NFKB2: variants seen among roughly 807,000 people sequenced by gnomAD.
NFKB2 encodes the protein nuclear factor kappa B subunit 2.
A neutral mutation model predicts 109.3 loss-of-function variants in NFKB2; 21 were observed. That is an observed-to-expected ratio of 0.19 (90% CI 0.14 to 0.28). NFKB2 has a LOEUF of 0.28. Among genes scored for constraint, NFKB2 ranks in the 10% least tolerant of loss-of-function variants. The pLI is 1.00. For synonymous variants in NFKB2, 478 were observed against 489.9 expected (o/e 0.98, Z 0.32); for missense variants, 806 against 1,185.3 (o/e 0.68, Z 4.70).
In NFKB2 at chr10:102,396,801, G is replaced by A. The variant is rs774802098; in HGVS notation, c.221G>A (p.Arg74Gln). Reference sequence around the variant, plus strand: ...CCCGGTGCCTCCAGTGAGAAGGGCCGAAAGACCTATCCCACTGTCAAGGTG... The same window carrying A: ...CCCGGTGCCTCCAGTGAGAAGGGCCAAAAGACCTATCCCACTGTCAAGGTG... ...GLPGASSEKG[R>Q]KTYPTVKICN... Residue 74 changes from arginine (R) to glutamine (Q), a missense_variant, in exon 5 of 23, where the codon CGA (arginine) becomes CAA (glutamine). Transcript: ENST00000661543. The surrounding 1 kb of genome is among the most constrained non-coding windows in gnomAD (Gnocchi z 5.9). 9.3e-6 allele frequency: 15 copies of A among 1,612,704 alleles called. No individual in the cohort carries two copies. The highest frequency in any genetic ancestry group is 2.2e-5 in the East Asian group (1 of 44,824).
In NFKB2 at chr10:102,397,323, G is replaced by C; in HGVS notation, c.417G>C (p.Leu139=). ...MTAQFNNLGV[L]HVTKKNMMGT... ...TCAGATTTAACAACCTGGGTGTCCT[G>C]CATGTGACTAAGAAGAACATGATGG... Residue 139 remains leucine (L), a synonymous_variant, in exon 7 of 23, where the codon CTG becomes CTC. Coordinates refer to ENST00000661543, the MANE Select transcript of NFKB2 (RefSeq NM_001322934.2). The surrounding 1 kb of genome is among the most constrained non-coding windows in gnomAD (Gnocchi z 4.7). 1 of 1,614,152 alleles carries C rather than the reference G, an allele frequency of 6.2e-7. No homozygotes were observed. The highest frequency in any genetic ancestry group is 8.5e-7 in the Non-Finnish European group (1 of 1,179,992).
Position 102,398,681 on chromosome 10 carries a change from A to AG in NFKB2, c.992-55dup. 1 of 1,609,754 alleles carries AG rather than the reference A, an allele frequency of 6.2e-7. No individual in the cohort carries two copies. Among genetic ancestry groups the AG allele is most frequent in the East Asian group, 2.2e-5 (1 of 44,874 alleles). ...GCCGGCCCTGAGGGCTCTTCTGGGAAGGGCCCCTGAGGCATGACACAATAA... is the reference window on the plus strand; with the variant it reads ...GCCGGCCCTGAGGGCTCTTCTGGGAAGGGGCCCCTGAGGCATGACACAATAA... On this transcript the variant is annotated intron_variant, in intron 11 of 22. Coordinates refer to ENST00000661543, the MANE Select transcript of NFKB2 (RefSeq NM_001322934.2). The surrounding 1 kb of genome is among the most constrained non-coding windows in gnomAD (Gnocchi z 6.6).
In NFKB2 at chr10:102,401,439, G is replaced by T; in HGVS notation, c.2224-10G>T. The T allele has an allele frequency of 6.2e-7, 1 of 1,613,842 alleles. No individual in the cohort carries two copies. The highest frequency in any genetic ancestry group is 8.5e-7 in the Non-Finnish European group (1 of 1,179,956). ...GTGGGAGGTAGTCAGAACTGCGGCT[G>T]TCTCCCCAGGTGAAGACCTTGCTGC... On this transcript the variant is annotated splice_polypyrimidine_tract_variant and intron_variant, in intron 19 of 22. Coordinates refer to ENST00000661543, the MANE Select transcript of NFKB2 (RefSeq NM_001322934.2). This position sits in a 1 kb window ranked among gnomAD's most constrained non-coding sequence, Gnocchi z 4.2.
chr10:102,402,396 C>G lies in NFKB2; in HGVS notation c.*20C>G. ...CACTGACCTGCTGCCTGCCCCCAGC[C>G]CCCTTCCCGGACCCCCTGTACAGCG... is the stretch of plus-strand genomic sequence containing the variant. On this transcript the variant is annotated 3_prime_UTR_variant, in exon 23 of 23. Coordinates refer to ENST00000661543, the MANE Select transcript of NFKB2 (RefSeq NM_001322934.2). The G allele has an allele frequency of 6.8e-7, 1 of 1,471,818 alleles. No individual in the cohort carries two copies. The highest frequency in any genetic ancestry group is 9.2e-7 in the Non-Finnish European group (1 of 1,091,068). The allele number at this position is 1,471,818 out of a possible 1,614,324, so 91.2% of individuals were successfully genotyped here.
Position 102,397,917 on chromosome 10 carries a change from C to T in NFKB2, c.662-64C>T. The T allele has an allele frequency of 1.3e-6, 2 of 1,534,262 alleles. No homozygotes were observed. The highest frequency in any genetic ancestry group is 1.4e-5 in the African/African-American group (1 of 73,194). On this transcript the variant is annotated intron_variant, in intron 8 of 22. Transcript: ENST00000661543. The surrounding 1 kb of genome is among the most constrained non-coding windows in gnomAD (Gnocchi z 4.7). ...TGCTGAGATAAGGAATACAAAGCCC[C>T]CAGCTTCTTAAATGTGGCCTTGGCT...
At position 102,397,084 on chromosome 10, in the gene NFKB2, TG is replaced by T. The variant is rs776918265; in HGVS notation, c.395+31del. On this transcript the variant is annotated intron_variant, in intron 6 of 22. Coordinates refer to ENST00000661543, the MANE Select transcript of NFKB2 (RefSeq NM_001322934.2). This position sits in a 1 kb window ranked among gnomAD's most constrained non-coding sequence, Gnocchi z 4.7. ...GGTGCCCTCTACGCCTGGCCCCCAC[TG>T]GTATGCCCGTCTGCCAGTCCCAGGC... 3.8e-5 allele frequency: 60 copies of T among 1,597,118 alleles called. No individual in the cohort carries two copies. Among genetic ancestry groups the T allele is most frequent in the Non-Finnish European group, 5.0e-5 (58 of 1,167,148 alleles).
At chr10:102,399,253 G>A (rs1322005024) in intron 12 of NFKB2, 35 bp from the exon 13 acceptor site, 3 of 1,538,894 alleles carry the variant, frequency 1.9e-6, no homozygotes, top group African/African-American at 1.4e-5. Flanking sequence ...GTCATGGCTG[G>A]TGCCCGCTTC....
At position 102,400,124 on chromosome 10, in the gene NFKB2, A is replaced by G. The variant is rs1173613931; in HGVS notation, c.1514A>G (p.Glu505Gly). 5.6e-6 allele frequency: 9 copies of G among 1,614,086 alleles called. No individual in the cohort carries two copies. The highest frequency in any genetic ancestry group is 7.6e-6 in the Non-Finnish European group (9 of 1,179,986). ...AIIHGQTSVI[E>G]QIVYVIHHAQ... The stretch of plus-strand genomic sequence containing the variant: ...ATCCACGGGCAGACCAGTGTCATTG[A>G]GCAGATAGTCTATGTCATCCACCAC... Residue 505 changes from glutamate (E) to glycine (G), a missense_variant, in exon 15 of 23, where the codon GAG (glutamate) becomes GGG (glycine). This residue lies in a region of NFKB2 where 163 missense variants were observed against 207.1 expected (regional missense o/e 0.79). Transcript: ENST00000661543. The surrounding 1 kb of genome is among the most constrained non-coding windows in gnomAD (Gnocchi z 6.3).
In NFKB2 at chr10:102,401,229, A is replaced by G; in HGVS notation, c.2121A>G (p.Ser707=). ...AGGAGCCCCTGTGCCCACTGCCTTC[A>G]CCCCCTACCTCTGATAGCGACTCGG... is the stretch of plus-strand genomic sequence containing the variant. The part of the protein sequence containing the change: ...ENEEPLCPLP[S]PPTSDSDSDS... The change falls in exon 19 of 23, where the codon TCA becomes TCG. Residue 707 remains serine (S), a synonymous_variant. Transcript: ENST00000661543. This position sits in a 1 kb window ranked among gnomAD's most constrained non-coding sequence, Gnocchi z 4.2. 9.3e-6 allele frequency: 15 copies of G among 1,609,358 alleles called. No individual in the cohort carries two copies. The highest frequency in any genetic ancestry group is 1.3e-5 in the Non-Finnish European group (15 of 1,177,470).
intron 22 of NFKB2, 33 bp from the exon 23 acceptor site, chr10:102,402,218 TG>T: frequency 6.4e-7 from 1 of 1,551,728 alleles, no homozygotes. Flanking sequence ...CCTGAGGCTT[TG>T]ACTATCCCAT....
At position 102,396,343 on chromosome 10, in the gene NFKB2, G is replaced by A. The variant is rs2061113012; in HGVS notation, c.103+9G>A. ...GCCAGCCCCAGAAACAGGTCAGCAA[G>A]TTCACTAACCTCCCCTAGTCCTAAA... On this transcript the variant is annotated intron_variant, in intron 3 of 22. Transcript: ENST00000661543. This position sits in a 1 kb window ranked among gnomAD's most constrained non-coding sequence, Gnocchi z 5.9. 1 of 1,613,574 alleles carries A rather than the reference G, an allele frequency of 6.2e-7. No homozygotes were observed. Among genetic ancestry groups the A allele is most frequent in the Non-Finnish European group, 8.5e-7 (1 of 1,179,530 alleles).
chr10:102,396,119 C>T lies in NFKB2; in HGVS notation c.22-134C>T. On this transcript the variant is annotated intron_variant, in intron 2 of 22. Transcript: ENST00000661543. This position sits in a 1 kb window ranked among gnomAD's most constrained non-coding sequence, Gnocchi z 5.9. ...TGCCAGTCTGTCCATCTGTCTGCAA[C>T]TCTGCCTCCAAAAGGAGCTTTCTCT... The T allele has an allele frequency of 1.4e-6, 2 of 1,457,776 alleles. No homozygotes were observed. Among genetic ancestry groups the T allele is most frequent in the Non-Finnish European group, 1.9e-6 (2 of 1,048,110 alleles). 90.3% of individuals were successfully genotyped at this position (1,457,776 alleles called of 1,614,324 possible). A position where few individuals can be genotyped will look rare whatever the true frequency, so the allele number is the denominator to read the frequency against.
intron 14 of NFKB2, 108 bp downstream of exon 14, chr10:102,399,826 C>G: frequency 7.1e-7 from 1 of 1,404,174 alleles, no homozygotes; most frequent in Non-Finnish European, 9.3e-7. Flanking sequence ...CAAGTCCGGC[C>G]TCGGTGTTCA....
Position 102,397,969 on chromosome 10 carries a change from C to G in NFKB2, c.662-12C>G. The G allele has an allele frequency of 6.2e-7, 1 of 1,613,516 alleles. No homozygotes were observed. The highest frequency in any genetic ancestry group is 8.5e-7 in the Non-Finnish European group (1 of 1,179,450). On this transcript the variant is annotated splice_polypyrimidine_tract_variant and intron_variant, in intron 8 of 22. Transcript: ENST00000661543. This position sits in a 1 kb window ranked among gnomAD's most constrained non-coding sequence, Gnocchi z 4.7. ...TTGCATCATCTCAACTAATCCATAT[C>G]CCACTCCATAGAATCTCCGGGGGCA...
rs11574851 is a variant in NFKB2, at chr10:102,401,202, C to T, written c.2094C>T (p.Asn698=). ...CAGGTGCTGACATCCATGCTGAAAA[C>T]GAGGAGCCCCTGTGCCCACTGCCTT... ...LKAGADIHAE[N]EEPLCPLPSP... The change falls in exon 19 of 23, where the codon AAC becomes AAT. Residue 698 remains asparagine, a synonymous_variant. Transcript: ENST00000661543. This position sits in a 1 kb window ranked among gnomAD's most constrained non-coding sequence, Gnocchi z 4.2. 79,982 of 1,595,236 alleles carry T rather than the reference C, an allele frequency of 0.05. 2,187 individuals carry two copies. Among genetic ancestry groups the T allele is most frequent in the East Asian group, 0.079 (3,547 of 44,620 alleles).
Position 102,401,170 on chromosome 10 carries a change from CCT to C in NFKB2, c.2072-6_2072-5del. ...CACCATACCGCCCCATGACGGCCTC[CCT>C]CTCCCAGGTGCTGACATCCATGCTG... On this transcript the variant is annotated splice_region_variant and splice_polypyrimidine_tract_variant and intron_variant, in intron 18 of 22. Transcript: ENST00000661543. The surrounding 1 kb of genome is among the most constrained non-coding windows in gnomAD (Gnocchi z 4.2). 2 of 1,590,024 alleles carry C rather than the reference CCT, an allele frequency of 1.3e-6. No individual in the cohort carries two copies. Among genetic ancestry groups the C allele is most frequent in the Non-Finnish European group, 1.7e-6 (2 of 1,164,682 alleles).
In NFKB2 at chr10:102,401,987, C is replaced by T; in HGVS notation, c.2467-61C>T. On this transcript the variant is annotated intron_variant, in intron 21 of 22. Transcript: ENST00000661543. This position sits in a 1 kb window ranked among gnomAD's most constrained non-coding sequence, Gnocchi z 4.2. ...ATCTGAGTCCAGGTGCCTCCTTGGC[C>T]CCAGGGCTCCCGAGCACATGCCCTA... The T allele has an allele frequency of 6.3e-7, 1 of 1,583,190 alleles. No homozygotes were observed. The highest frequency in any genetic ancestry group is 2.3e-5 in the East Asian group (1 of 43,492).
Position 102,397,168 on chromosome 10 carries a change from C to T in NFKB2, c.395+113C>T, listed in dbSNP as rs2061130248. 7.8e-6 allele frequency: 12 copies of T among 1,545,512 alleles called. No homozygotes were observed. On this transcript the variant is annotated intron_variant, in intron 6 of 22. Transcript: ENST00000661543. This position sits in a 1 kb window ranked among gnomAD's most constrained non-coding sequence, Gnocchi z 4.7. ...CAAGGGGAAAGATGTAGGTTGGCCC[C>T]AAACCCAAGGGCCTAAGTAGAAACT... is the stretch of plus-strand genomic sequence containing the variant.
In NFKB2 at chr10:102,400,883, T is replaced by C; in HGVS notation, c.1968+59T>C. Reference sequence around the variant, plus strand: ...AGGGTGGTGGAGGGGCCAAAGATGGTGAAGGGGGGGGCTGGCCAAGGGGAC... The same window carrying C: ...AGGGTGGTGGAGGGGCCAAAGATGGCGAAGGGGGGGGCTGGCCAAGGGGAC... On this transcript the variant is annotated intron_variant, in intron 17 of 22. Coordinates refer to ENST00000661543, the MANE Select transcript of NFKB2 (RefSeq NM_001322934.2). This position sits in a 1 kb window ranked among gnomAD's most constrained non-coding sequence, Gnocchi z 6.3. 6.4e-7 allele frequency: 1 copy of C among 1,571,090 alleles called. No homozygotes were observed. The highest frequency in any genetic ancestry group is 8.6e-7 in the Non-Finnish European group (1 of 1,156,318).
Sources: allele counts gnomAD v4.1 joint callset, GRCh38; gene constraint gnomAD v4.1.1; regional missense constraint gnomAD v4.1.1; non-coding constraint Gnocchi (gnomAD v3.1); transcripts MANE v1.5; gene names NCBI Gene and HGNC (gene_info 2026-07-23, HGNC 2026-07-21).